The following TAFA5 variants were observed in gnomAD, a reference collection of about 807,000 sequenced individuals.
TAFA5 encodes the protein TAFA chemokine like family member 5.
TAFA5 carries 6 observed loss-of-function variants against 15.3 expected under a neutral mutation model. The observed-to-expected ratio is 0.39, with a 90% CI of 0.21 to 0.77. The LOEUF (loss-of-function observed/expected upper bound fraction) is 0.77. TAFA5 is among the 30% of genes least tolerant of loss of function. TAFA5 has a pLI of 0.41. For missense variants in TAFA5, 161 were observed against 193.1 expected (o/e 0.83, Z 0.98); for synonymous variants, 103 against 80.7 (o/e 1.28, Z -1.48).
At chr22:48,573,096 C>T (rs1449421853) in intron 1 of TAFA5, among the ~76,000 whole-genome samples, 1 of 152,228 alleles carries the variant, frequency 6.6e-6, no homozygotes, top group African/African-American at 2.4e-5. Flanking sequence ...CTGAGCTACA[C>T]TAGCCTTAAA....
rs542338275 is a variant in TAFA5, at chr22:48,583,337, C to G, written c.113-63260C>G. ...ACACACTATACACAAAATACGCACACCAGTGCACACCAAACACAAAATATA... is the reference window on the plus strand; with the variant it reads ...ACACACTATACACAAAATACGCACAGCAGTGCACACCAAACACAAAATATA... On this transcript the variant is annotated intron_variant, in intron 1 of 3. Coordinates refer to ENST00000402357, the MANE Select transcript of TAFA5 (RefSeq NM_001082967.3). Among the ~76,000 whole-genome samples the G allele has an allele frequency of 2.8e-5, 4 of 142,106 alleles. No homozygotes were observed. In the South Asian group the frequency reaches 9.4e-4, roughly 33 times the overall value. 93.2% of individuals were successfully genotyped at this position (142,106 alleles called of 152,430 possible).
At chr22:48,700,777 G>A (rs1348222547) in intron 2 of TAFA5, among the ~76,000 whole-genome samples, 2 of 152,294 alleles carry the variant, frequency 1.3e-5, no homozygotes, top group Admixed American at 6.5e-5. Flanking sequence ...AGCAAGAGCC[G>A]TCCCACTTCA....
At chr22:48,634,458 C>G (rs1267723854) in intron 1 of TAFA5, among the ~76,000 whole-genome samples, 1 of 149,358 alleles carries the variant, frequency 6.7e-6, no homozygotes, top group Non-Finnish European at 1.5e-5. Flanking sequence ...TTTAGTCACT[C>G]ACTCATTCAC....
At chr22:48,617,132 G>A (rs1001640044) in intron 1 of TAFA5, among the ~76,000 whole-genome samples, 2 of 152,160 alleles carry the variant, frequency 1.3e-5, no homozygotes, top group Non-Finnish European at 2.9e-5. Context: ...GTGTCATTTC[G>A]CCAGGCAAGA....
At position 48,655,830 on chromosome 22, in the gene TAFA5, C is replaced by CTTTTTT. The variant is rs1197219539; in HGVS notation, c.262+9106_262+9111dup. On this transcript the variant is annotated intron_variant, in intron 2 of 3. Coordinates refer to ENST00000402357, the MANE Select transcript of TAFA5 (RefSeq NM_001082967.3). The stretch of plus-strand genomic sequence containing the variant: ...GGCTTCCTGAAGCCAAACACTGATT[C>CTTTTTT]TTTTTTTTTTTTTTTTTTTTTTTTT... 4.0e-4 allele frequency among the ~76,000 whole-genome samples: 25 copies of CTTTTTT among 62,404 alleles called. 3 individuals are homozygous for CTTTTTT. The highest frequency in any genetic ancestry group is 1.2e-3 in the African/African-American group (16 of 13,542). The allele number at this position is 62,404 out of a possible 152,430, so 40.9% of individuals were successfully genotyped here. A position where few individuals can be genotyped will look rare whatever the true frequency, so the allele number is the denominator to read the frequency against.
At chr22:48,504,737 C>T (rs1287861052) in intron 1 of TAFA5, among the ~76,000 whole-genome samples, 5 of 152,226 alleles carry the variant, frequency 3.3e-5, no homozygotes, top group African/African-American at 1.2e-4. Context: ...CAAGGTTGTT[C>T]TGGGAGCTTA....
At chr22:48,505,113 C>T (rs558527665) in intron 1 of TAFA5, among the ~76,000 whole-genome samples, 2 of 152,310 alleles carry the variant, frequency 1.3e-5, no homozygotes, top group Admixed American at 1.3e-4. Context: ...CTGCCACTTG[C>T]TGTGGGGCCT....
At chr22:48,651,583 T>C (rs1927055743) in intron 2 of TAFA5, among the ~76,000 whole-genome samples, 1 of 151,996 alleles carries the variant, frequency 6.6e-6, no homozygotes, top group African/African-American at 2.4e-5. Context: ...GGTTGGGAGT[T>C]TGAGGCAGGC....
intron 1 of TAFA5, among the ~76,000 whole-genome samples, chr22:48,612,615 G>A (rs1027481892): frequency 1.3e-5 from 2 of 151,992 alleles, no homozygotes; most frequent in Non-Finnish European, 2.9e-5. Flanking sequence ...TTCCCCACGT[G>A]TCTCCCGTTC....
At chr22:48,620,186 C>T (rs981477739) in intron 1 of TAFA5, among the ~76,000 whole-genome samples, 8 of 152,032 alleles carry the variant, frequency 5.3e-5, no homozygotes, top group African/African-American at 9.7e-5. Context: ...TTCCTCTCCT[C>T]GTGCCCACTG....
chr22:48,634,631 G>C (rs1012861573), intron 1 of TAFA5, among the ~76,000 whole-genome samples: 1 of 151,396 alleles, frequency 6.6e-6, no homozygotes, highest in Non-Finnish European at 1.5e-5. Context: ...TGACACACTC[G>C]GTCATTTACT....
At chr22:48,671,157 C>T (rs187880969) in intron 2 of TAFA5, among the ~76,000 whole-genome samples, 80 of 152,274 alleles carry the variant, frequency 5.3e-4, no homozygotes, top group Middle Eastern at 3.4e-3. Context: ...CTGTGCCCTC[C>T]GTGTCCTTAG....
Position 48,566,617 on chromosome 22 carries a change from C to T in TAFA5, c.112+76913C>T, listed in dbSNP as rs1923416579. On this transcript the variant is annotated intron_variant, in intron 1 of 3. Transcript: ENST00000402357. This position sits in a 1 kb window ranked among gnomAD's most constrained non-coding sequence, Gnocchi z 4.5. Reference sequence around the variant, plus strand: ...CCTAGCTTTAGCCCAACCTCTCCTTCTGCTGCCATAGGCAGGTTGCTGAGC... The same window carrying T: ...CCTAGCTTTAGCCCAACCTCTCCTTTTGCTGCCATAGGCAGGTTGCTGAGC... Among the ~76,000 whole-genome samples the T allele has an allele frequency of 6.6e-6, 1 of 152,194 alleles. No homozygotes were observed. Among genetic ancestry groups the T allele is most frequent in the South Asian group, 2.1e-4 (1 of 4,830 alleles).
intron 1 of TAFA5, among the ~76,000 whole-genome samples, chr22:48,603,159 G>T (rs899107194): frequency 6.6e-6 from 1 of 152,202 alleles, no homozygotes; most frequent in African/African-American, 2.4e-5. Context: ...AGACAGGGTC[G>T]CCCCGGAAAA....
At chr22:48,631,683 G>A (rs1355212616) in intron 1 of TAFA5, among the ~76,000 whole-genome samples, 4 of 152,214 alleles carry the variant, frequency 2.6e-5, no homozygotes, top group Non-Finnish European at 5.9e-5. Context: ...GTAATTAGTT[G>A]CTCTTGCCCG....
Position 48,489,581 on chromosome 22 carries a change from G to A in TAFA5, c.-12G>A, listed in dbSNP as rs1318036384. ...ACGCGCTGCTGCCCCCCGCGCGGGCGCCGCGGCTTCAATGGCGCCATCGCC... is the reference window on the plus strand; with the variant it reads ...ACGCGCTGCTGCCCCCCGCGCGGGCACCGCGGCTTCAATGGCGCCATCGCC... On this transcript the variant is annotated 5_prime_UTR_variant, in exon 1 of 4. Coordinates refer to ENST00000402357, the MANE Select transcript of TAFA5 (RefSeq NM_001082967.3). The surrounding 1 kb of genome is among the most constrained non-coding windows in gnomAD (Gnocchi z 5.5). 2.1e-6 allele frequency: 3 copies of A among 1,432,874 alleles called. No homozygotes were observed. The highest frequency in any genetic ancestry group is 5.0e-5 in the Admixed American group (2 of 39,980). 88.8% of individuals were successfully genotyped at this position (1,432,874 alleles called of 1,614,324 possible).
intron 2 of TAFA5, among the ~76,000 whole-genome samples, chr22:48,680,927 G>T (rs1273859577): frequency 2.0e-5 from 3 of 152,208 alleles, no homozygotes; most frequent in Non-Finnish European, 4.4e-5. Context: ...GGAGAAAAGG[G>T]CCCCCAGGCC....
rs1926880290 is a variant in TAFA5, at chr22:48,646,755, C to A, written c.262+9C>A. On this transcript the variant is annotated intron_variant, in intron 2 of 3. Transcript: ENST00000402357. ...GCCCGCCTGTGTGGACGGTAAGCAC[C>A]CGTGGCCCCAGGACCCCTCCGGGTG... is the stretch of plus-strand genomic sequence containing the variant. 1 of 1,565,116 alleles carries A rather than the reference C, an allele frequency of 6.4e-7. No homozygotes were observed. The highest frequency in any genetic ancestry group is 8.6e-7 in the Non-Finnish European group (1 of 1,160,024).
At chr22:48,689,293 A>T (rs1176920522) in intron 2 of TAFA5, among the ~76,000 whole-genome samples, 2 of 151,992 alleles carry the variant, frequency 1.3e-5, no homozygotes, top group African/African-American at 4.8e-5. Context: ...TCTGACCCCC[A>T]CCCCAGAGAT....
Sources: allele counts gnomAD v4.1 joint callset (sites outside exome capture counted in the v4.1 genomes callset), GRCh38; gene constraint gnomAD v4.1.1; non-coding constraint Gnocchi (gnomAD v3.1); transcripts MANE v1.5; gene names NCBI Gene and HGNC (gene_info 2026-07-23, HGNC 2026-07-21).